Variants in EIPR1 observed in about 807,000 individuals in gnomAD.
The protein encoded by EIPR1 is EARP and GARP complex-interacting protein 1.
EIPR1 carries 25 observed loss-of-function variants against 48.1 expected under a neutral mutation model. That is an observed-to-expected ratio of 0.52 (90% CI 0.38 to 0.73). The LOEUF (loss-of-function observed/expected upper bound fraction) is 0.73. EIPR1 is among the 30% of genes least tolerant of loss of function. The pLI, the probability that EIPR1 is intolerant of heterozygous loss-of-function variation, is 0.00. For missense variants in EIPR1, 415 were observed against 506.2 expected (o/e 0.82, Z 1.73); for synonymous variants, 204 against 201.9 (o/e 1.01, Z -0.09).
chr2:3,240,058 C>G (rs1376966171), intron 4 of EIPR1, among the ~76,000 whole-genome samples: 1 of 151,408 alleles, frequency 6.6e-6, no homozygotes, highest in African/African-American at 2.4e-5. Context: ...GCCAGTAGAC[C>G]CTTCCTAAAG....
intron 5 of EIPR1, among the ~76,000 whole-genome samples, chr2:3,199,036 A>C (rs910667705): frequency 3.1e-4 from 26 of 83,250 alleles, no homozygotes; most frequent in Admixed American, 7.1e-4. Context: ...TATGGCAGAC[A>C]CCCCCAGAGT....
chr2:3,321,221 A>C (rs1669518530), intron 3 of EIPR1, among the ~76,000 whole-genome samples: 1 of 152,176 alleles, frequency 6.6e-6, no homozygotes, highest in Non-Finnish European at 1.5e-5. Context: ...CACCAGCATC[A>C]TGAGAAAATT....
intron 3 of EIPR1, among the ~76,000 whole-genome samples, chr2:3,277,530 C>G (rs192247474): frequency 5.3e-4 from 81 of 152,358 alleles, no homozygotes; most frequent in African/African-American, 1.9e-3. Flanking sequence ...CCTTCACCTA[C>G]GTGCTTTACA....
chr2:3,189,654 A>C lies in EIPR1; in HGVS notation c.990-146T>G, dbSNP rs149687256. On this transcript the variant is annotated intron_variant, in intron 8 of 8. Coordinates refer to ENST00000382125, the MANE Select transcript of EIPR1 (RefSeq NM_003310.5). The surrounding 1 kb of genome is among the most constrained non-coding windows in gnomAD (Gnocchi z 4.6). Reference sequence around the variant, plus strand: ...TCCGCTGTGGGATGGGAAGAATTAGAGGAGCCCACACCGAGGACGGTGGGG... The same window carrying C: ...TCCGCTGTGGGATGGGAAGAATTAGCGGAGCCCACACCGAGGACGGTGGGG... 15 of 756,368 alleles carry C rather than the reference A, an allele frequency of 2.0e-5. No individual in the cohort carries two copies. The East Asian group carries it at 4.4e-4, about 22-fold the overall frequency. The allele number at this position is 756,368 out of a possible 1,614,324, so 46.9% of individuals were successfully genotyped here.
chr2:3,358,137 C>T (rs919627134), intron 1 of EIPR1, among the ~76,000 whole-genome samples: 2 of 152,166 alleles, frequency 1.3e-5, no homozygotes, highest in African/African-American at 2.4e-5. Flanking sequence ...CCCACCTCCT[C>T]GGCAGTCACA....
At chr2:3,295,565 C>CCA (rs201282142) in intron 3 of EIPR1, among the ~76,000 whole-genome samples, 1 of 75,056 alleles carries the variant, frequency 1.3e-5, no homozygotes, top group Non-Finnish European at 2.7e-5. Flanking sequence ...CATCCTCTCT[C>CCA]CACACACACA....
At chr2:3,258,879 C>T (rs1667243465) in intron 3 of EIPR1, among the ~76,000 whole-genome samples, 1 of 152,054 alleles carries the variant, frequency 6.6e-6, no homozygotes. Context: ...TCCAACTTTA[C>T]AAAAATGGAG....
rs566514450 is a variant in EIPR1 at position 3,338,920 on chromosome 2, T to C, written c.127-771A>G. ...TAAAAGTAAATTTGTACTAAGAAAA[T>C]ATTCATGGGTCTACACAAAAGATTT... On this transcript the variant is annotated intron_variant, in intron 2 of 8. Transcript: ENST00000382125. 4.6e-5 allele frequency among the ~76,000 whole-genome samples: 7 copies of C among 152,190 alleles called. No individual in the cohort carries two copies. In the South Asian group the frequency reaches 1.5e-3, roughly 32 times the overall value.
At chr2:3,192,870 G>GA (rs5828967) in intron 7 of EIPR1, among the ~76,000 whole-genome samples, 29 of 145,112 alleles carry the variant, frequency 2.0e-4, no homozygotes, top group South Asian at 1.3e-3. Context: ...TCTAAAATTC[G>GA]AAAAAAAAAA....
chr2:3,324,643 C>A (rs1288753504), intron 3 of EIPR1, among the ~76,000 whole-genome samples: 4 of 152,258 alleles, frequency 2.6e-5, no homozygotes, highest in African/African-American at 9.6e-5. Flanking sequence ...TGAAGCATTT[C>A]GTGACCACTC....
At chr2:3,307,494 A>C (rs556199761) in intron 3 of EIPR1, among the ~76,000 whole-genome samples, 1 of 152,354 alleles carries the variant, frequency 6.6e-6, no homozygotes, top group Admixed American at 6.5e-5. Flanking sequence ...GTCTCTGTGC[A>C]ATAGAACCAG....
At chr2:3,305,272 CTCCCGTCCAGTTCAGCCCTCCAG>C (rs1668901737) in intron 3 of EIPR1, among the ~76,000 whole-genome samples, 1 of 143,722 alleles carries the variant, frequency 7.0e-6, no homozygotes, top group Non-Finnish European at 1.5e-5. Flanking sequence ...CAGCCCTCCA[CTCCCGTCCAGTTCAGCCCTCCAG>C]TCCCGTCCAG....
intron 5 of EIPR1, among the ~76,000 whole-genome samples, chr2:3,199,030 G>A (rs1294629627): frequency 1.7e-5 from 2 of 118,560 alleles, no homozygotes; most frequent in Non-Finnish European, 3.3e-5. Context: ...ACTGCATATG[G>A]CAGACACCCC....
chr2:3,369,946 T>C (rs995853385), intron 1 of EIPR1, among the ~76,000 whole-genome samples: 5 of 151,848 alleles, frequency 3.3e-5, no homozygotes, highest in African/African-American at 4.8e-5. Flanking sequence ...AAGTGGGTCC[T>C]TGACCCCTGA....
intron 3 of EIPR1, among the ~76,000 whole-genome samples, chr2:3,326,875 T>G (rs1669713393): frequency 6.6e-6 from 1 of 152,250 alleles, no homozygotes; most frequent in Non-Finnish European, 1.5e-5. Context: ...TCTGTCACTA[T>G]GTTCTGAGCA....
intron 4 of EIPR1, among the ~76,000 whole-genome samples, chr2:3,236,315 C>T (rs529759712): frequency 3.3e-5 from 5 of 152,318 alleles, no homozygotes; most frequent in South Asian, 4.1e-4. Flanking sequence ...ACCTGGCCAA[C>T]ATGGCATCTC....
chr2:3,248,321 C>T (rs947371406), intron 4 of EIPR1, among the ~76,000 whole-genome samples: 2 of 151,890 alleles, frequency 1.3e-5, no homozygotes, highest in Non-Finnish European at 2.9e-5. Flanking sequence ...GAGCTGGGTG[C>T]GGTGGCACAC....
At chr2:3,361,156 G>T (rs1235342637) in intron 1 of EIPR1, among the ~76,000 whole-genome samples, 2 of 152,132 alleles carry the variant, frequency 1.3e-5, no homozygotes, top group African/African-American at 4.8e-5. Context: ...GAGCCCAGAA[G>T]CCCTAACACA....
At chr2:3,290,349 A>T (rs1451945860) in intron 3 of EIPR1, among the ~76,000 whole-genome samples, 1 of 152,206 alleles carries the variant, frequency 6.6e-6, no homozygotes, top group Non-Finnish European at 1.5e-5. Flanking sequence ...TAAATACAAA[A>T]GAATACAAAA....
Sources: gnomAD v4.1 joint callset for allele counts (sites outside exome capture counted in the v4.1 genomes callset) on GRCh38, gnomAD v4.1.1 for gene constraint, Gnocchi (gnomAD v3.1) non-coding constraint, MANE v1.5 for transcripts, NCBI Gene and HGNC (gene_info 2026-07-23, HGNC 2026-07-21) for gene names.